Variants in SUSD4 observed in about 807,000 individuals in gnomAD.
SUSD4 encodes sushi domain-containing protein 4.
SUSD4 carries 41 observed loss-of-function variants against 50.5 expected under a neutral mutation model. That is an observed-to-expected ratio of 0.81 (90% CI 0.63 to 1.05). The LOEUF (loss-of-function observed/expected upper bound fraction) is 1.05. Ranked by LOEUF, SUSD4 falls within the 50% of genes least tolerant of loss-of-function variation. The pLI is 0.00. For missense variants in SUSD4, 580 were observed against 634.7 expected (o/e 0.91, Z 0.93); for synonymous variants, 257 against 257.3 (o/e 1.00, Z 0.01).
At chr1:223,285,605 A>C (rs1023025998) in intron 3 of SUSD4, among the ~76,000 whole-genome samples, 24 of 152,198 alleles carry the variant, frequency 1.6e-4, no homozygotes, top group African/African-American at 5.1e-4. Flanking sequence ...TGTCAGCAAA[A>C]GCAGTAAAAG....
intron 5 of SUSD4, among the ~76,000 whole-genome samples, chr1:223,246,698 T>TGTGA (rs1410609114): frequency 1.3e-5 from 2 of 151,948 alleles, no homozygotes; most frequent in Admixed American, 6.6e-5. Context: ...GTGGTGGAGA[T>TGTGA]GTGAGTAAGC....
At position 223,222,104 on chromosome 1, in the gene SUSD4, C is replaced by A; in HGVS notation, c.*88G>T. 1 of 1,424,914 alleles carries A rather than the reference C, an allele frequency of 7.0e-7. No homozygotes were observed. Among genetic ancestry groups the A allele is most frequent in the Non-Finnish European group, 9.7e-7 (1 of 1,034,904 alleles). The allele number at this position is 1,424,914 out of a possible 1,614,324, so 88.3% of individuals were successfully genotyped here. ...ATGTAGACAAGTTAGACATTTTGCC[C>A]CCAGGCTCTATCCTTCTGTGACCTC... On this transcript the variant is annotated 3_prime_UTR_variant, in exon 9 of 9. Coordinates refer to ENST00000366878, the MANE Select transcript of SUSD4 (RefSeq NM_017982.4).
At chr1:223,302,044 T>C (rs1032880390) in intron 2 of SUSD4, among the ~76,000 whole-genome samples, 9 of 152,264 alleles carry the variant, frequency 5.9e-5, no homozygotes, top group Middle Eastern at 3.4e-3. Flanking sequence ...TGGTTTCTAA[T>C]GGTTTAGCAC....
Position 223,235,011 on chromosome 1 carries a change from A to G in SUSD4, c.725-5623T>C, listed in dbSNP as rs974485413. On this transcript the variant is annotated intron_variant, in intron 5 of 8. Coordinates refer to ENST00000366878, the MANE Select transcript of SUSD4 (RefSeq NM_017982.4). ...CAGGTAGGTGCTGGGGTGGGAGAGG[A>G]CTTTAACACAGGGCAAAAATAAAGC... The G allele has an allele frequency of 1.9e-5, 31 of 1,611,290 alleles. No individual in the cohort carries two copies. In the Middle Eastern group the frequency reaches 8.3e-4, roughly 43 times the overall value.
In SUSD4 at chr1:223,292,729, AC is replaced by A. The variant is rs1033320603; in HGVS notation, c.149-79del. 8 of 1,470,726 alleles carry A rather than the reference AC, an allele frequency of 5.4e-6. No homozygotes were observed. The African/African-American group carries it at 1.1e-4, about 21-fold the overall frequency. The allele number at this position is 1,470,726 out of a possible 1,614,324, so 91.1% of individuals were successfully genotyped here. On this transcript the variant is annotated intron_variant, in intron 2 of 8. Coordinates refer to ENST00000366878, the MANE Select transcript of SUSD4 (RefSeq NM_017982.4). ...AAGGGCCTTCCTACATAAATGGCAGACCCTGCATGATGTCATACGCCTTGGA... is the reference window on the plus strand; with the variant it reads ...AAGGGCCTTCCTACATAAATGGCAGACCTGCATGATGTCATACGCCTTGGA...
chr1:223,270,204 G>C (rs1338335029), intron 3 of SUSD4, among the ~76,000 whole-genome samples: 4 of 152,220 alleles, frequency 2.6e-5, no homozygotes, highest in Admixed American at 2.0e-4. Context: ...GTCACCTGAA[G>C]TCAAATGCTT....
intron 5 of SUSD4, among the ~76,000 whole-genome samples, chr1:223,242,309 T>A (rs899107388): frequency 2.0e-5 from 3 of 151,708 alleles, no homozygotes; most frequent in African/African-American, 7.3e-5. Flanking sequence ...AGCATAAGGG[T>A]TTTTGCCTGC....
intron 2 of SUSD4, among the ~76,000 whole-genome samples, chr1:223,316,256 A>C (rs557283127): frequency 6.6e-6 from 1 of 152,178 alleles, no homozygotes; most frequent in South Asian, 2.1e-4. Context: ...ATTTATCCAG[A>C]AATCAGTTGC....
At position 223,227,826 on chromosome 1, in the gene SUSD4, C is replaced by A. The variant is rs1379179202; in HGVS notation, c.917-88G>T. ...CCGTGGGCTCATTTGCTGGATTCAT[C>A]TGGCACAAGAGATGCGTGCAAGGTG... On this transcript the variant is annotated intron_variant, in intron 6 of 8. Transcript: ENST00000366878. The surrounding 1 kb of genome is among the most constrained non-coding windows in gnomAD (Gnocchi z 4.5). The A allele has an allele frequency of 2.7e-6, 4 of 1,491,182 alleles. No individual in the cohort carries two copies. The African/African-American group carries it at 5.5e-5, about 21-fold the overall frequency. The allele number at this position is 1,491,182 out of a possible 1,614,324, so 92.4% of individuals were successfully genotyped here.
At chr1:223,317,834 CTTTTTTTTTTTTTTTTCTTTT>C (rs1014325869) in intron 2 of SUSD4, among the ~76,000 whole-genome samples, 2 of 80,162 alleles carry the variant, frequency 2.5e-5, no homozygotes, top group African/African-American at 1.0e-4. Flanking sequence ...GCTTGCCCTT[CTTTTTTTTTTTTTTTTCTTTT>C]TTTTTTTTTT....
At position 223,363,764 on chromosome 1, in the gene SUSD4, A is replaced by G. The variant is rs576314026; in HGVS notation, c.-36+293T>C. The G allele has an allele frequency of 2.8e-5, 7 of 248,434 alleles. No individual in the cohort carries two copies. In the South Asian group the frequency reaches 5.7e-4, roughly 20 times the overall value. The allele number at this position is 248,434 out of a possible 1,614,324, so 15.4% of individuals were successfully genotyped here. A position where few individuals can be genotyped will look rare whatever the true frequency, so the allele number is the denominator to read the frequency against. ...GGGATTCAGCAGCTGTGCCCACCAC[A>G]GGAAAGTCTAGAGCCTCCCCGCGTC... On this transcript the variant is annotated intron_variant, in intron 1 of 8. Transcript: ENST00000366878.
At chr1:223,258,593 G>A (rs1401614445) in intron 5 of SUSD4, among the ~76,000 whole-genome samples, 8 of 152,024 alleles carry the variant, frequency 5.3e-5, no homozygotes, top group Non-Finnish European at 1.0e-4. Context: ...TCAGATGTTC[G>A]GCTTCCAAGG....
At chr1:223,349,960 A>G (rs1668264602) in intron 2 of SUSD4, among the ~76,000 whole-genome samples, 1 of 152,206 alleles carries the variant, frequency 6.6e-6, no homozygotes, top group Admixed American at 6.5e-5. Context: ...AAATGAAGTC[A>G]TAAGGTGGGG....
At chr1:223,298,967 G>A (rs1665014720) in intron 2 of SUSD4, among the ~76,000 whole-genome samples, 1 of 152,136 alleles carries the variant, frequency 6.6e-6, no homozygotes. Context: ...CACAGAACAG[G>A]GAATTAAGAA....
At chr1:223,353,808 C>T (rs1668502654) in intron 2 of SUSD4, among the ~76,000 whole-genome samples, 1 of 152,116 alleles carries the variant, frequency 6.6e-6, no homozygotes, top group Non-Finnish European at 1.5e-5. Flanking sequence ...ACAGACCCCT[C>T]TGCTCAATGT....
intron 7 of SUSD4, among the ~76,000 whole-genome samples, chr1:223,224,862 C>CTTTTTTTTTTTTTTTTTTTTTTTTTT (rs11345619): frequency 1.7e-5 from 1 of 59,234 alleles, no homozygotes; most frequent in African/African-American, 7.2e-5. Flanking sequence ...TGGTTTCTTC[C>CTTTTTTTTTTTTTTTTTTTTTTTTTT]TTTTTTTTTT....
chr1:223,351,231 C>T (rs1026610558), intron 2 of SUSD4, among the ~76,000 whole-genome samples: 2 of 152,178 alleles, frequency 1.3e-5, no homozygotes, highest in Non-Finnish European at 2.9e-5. Context: ...CCTTATTTCC[C>T]CTCATCTCTA....
intron 5 of SUSD4, among the ~76,000 whole-genome samples, chr1:223,255,376 G>A (rs1472247472): frequency 6.6e-6 from 1 of 152,190 alleles, no homozygotes; most frequent in Non-Finnish European, 1.5e-5. Flanking sequence ...AGGTTGGGGG[G>A]TGGGAGGTTT....
intron 2 of SUSD4, among the ~76,000 whole-genome samples, chr1:223,308,536 G>A (rs1157566333): frequency 6.6e-6 from 1 of 152,154 alleles, no homozygotes; most frequent in Non-Finnish European, 1.5e-5. Context: ...ATAACAATGT[G>A]AGAATGGCCT....
Sources: gnomAD v4.1 joint callset for allele counts (sites outside exome capture counted in the v4.1 genomes callset) on GRCh38, gnomAD v4.1.1 for gene constraint, Gnocchi (gnomAD v3.1) non-coding constraint, MANE v1.5 for transcripts, NCBI Gene and HGNC (gene_info 2026-07-23, HGNC 2026-07-21) for gene names.